Variants in PGM5 observed in about 807,000 individuals in gnomAD.
The protein encoded by PGM5 is phosphoglucomutase-like protein 5.
PGM5 carries 23 observed loss-of-function variants against 59.2 expected under a neutral mutation model. The observed-to-expected ratio is 0.39, with a 90% confidence interval of 0.28 to 0.55. The LOEUF (loss-of-function observed/expected upper bound fraction) is 0.55. Ranked by LOEUF, PGM5 falls within the 20% of genes least tolerant of loss-of-function variation. PGM5 has a pLI of 0.66. For missense variants in PGM5, 574 were observed against 748.3 expected (o/e 0.77, Z 2.72); for synonymous variants, 214 against 286.0 (o/e 0.75, Z 2.54).
chr9:68,397,689 A>G (rs1272849812), intron 6 of PGM5: 2 of 152,240 alleles, frequency 1.3e-5, no homozygotes, highest in East Asian at 1.9e-4. Flanking sequence ...ATACAGAAAC[A>G]CAAATTGTAA....
At chr9:68,511,762 T>A (rs1327077656) in intron 10 of PGM5, among the ~76,000 whole-genome samples, 1 of 151,860 alleles carries the variant, frequency 6.6e-6, no homozygotes, top group Non-Finnish European at 1.5e-5. Flanking sequence ...CCATTATTTT[T>A]ATTAATAATG....
intron 6 of PGM5, chr9:68,406,249 T>C (rs1822806957): frequency 2.0e-5 from 3 of 152,198 alleles, no homozygotes; most frequent in East Asian, 3.9e-4. Flanking sequence ...TGGTTTCTTA[T>C]AACAGAATAC....
intron 6 of PGM5, among the ~76,000 whole-genome samples, chr9:68,394,685 A>G (rs1457070829): frequency 6.6e-6 from 1 of 151,508 alleles, no homozygotes; most frequent in African/African-American, 2.4e-5. Context: ...CAGTGGTACG[A>G]TCATAGTTCA....
intron 6 of PGM5, among the ~76,000 whole-genome samples, chr9:68,419,242 A>C (rs1554682200): frequency 6.6e-6 from 1 of 152,198 alleles, no homozygotes; most frequent in Admixed American, 6.5e-5. Context: ...ATAGAAGATA[A>C]TATGTTTTAA....
At chr9:68,506,997 C>A (rs1246696894) in intron 10 of PGM5, among the ~76,000 whole-genome samples, 4 of 151,828 alleles carry the variant, frequency 2.6e-5, no homozygotes, top group African/African-American at 9.7e-5. Context: ...AAAATGAAAA[C>A]AAATTCAATT....
At chr9:68,438,599 A>G (rs1823477229) in intron 6 of PGM5, among the ~76,000 whole-genome samples, 1 of 152,250 alleles carries the variant, frequency 6.6e-6, no homozygotes. Context: ...TCTAGACAAG[A>G]TGTACGAAAC....
chr9:68,415,544 G>C (rs1446167788), intron 6 of PGM5, among the ~76,000 whole-genome samples: 1 of 142,040 alleles, frequency 7.0e-6, no homozygotes, highest in Non-Finnish European at 1.5e-5. Flanking sequence ...CACAGGTAGG[G>C]AGCTTGCAGT....
chr9:68,498,508 G>A (rs1217535336), intron 9 of PGM5: 3 of 152,166 alleles, frequency 2.0e-5, no homozygotes, highest in Admixed American at 1.3e-4. Flanking sequence ...TGAAAATTGT[G>A]TACTTCTCAA....
chr9:68,414,463 C>T (rs1258706751), intron 6 of PGM5, among the ~76,000 whole-genome samples: 6 of 152,132 alleles, frequency 3.9e-5, no homozygotes, highest in Non-Finnish European at 7.3e-5. Context: ...CTGCTTCCTA[C>T]CTAATGACCT....
intron 9 of PGM5, among the ~76,000 whole-genome samples, chr9:68,485,378 C>T (rs186739194): frequency 5.3e-5 from 8 of 152,222 alleles, no homozygotes; most frequent in East Asian, 3.9e-4. Context: ...ATAATCCCCA[C>T]GTGTCATGGG....
chr9:68,390,237 G>T (rs1554679332), intron 4 of PGM5, among the ~76,000 whole-genome samples: 1 of 152,122 alleles, frequency 6.6e-6, no homozygotes, highest in East Asian at 1.9e-4. Context: ...CTCAGGAAAA[G>T]AACTTTCAGG....
chr9:68,413,028 G>A (rs3004604), intron 6 of PGM5, among the ~76,000 whole-genome samples: 53,491 of 151,772 alleles, frequency 0.35, 9,609 homozygotes, highest in Middle Eastern at 0.43. Flanking sequence ...TGTTGTTACT[G>A]TGTGAGTTCC....
chr9:68,398,764 T>A (rs1168055841), intron 6 of PGM5: 2 of 152,198 alleles, frequency 1.3e-5, no homozygotes, highest in African/African-American at 4.8e-5. Flanking sequence ...CCAGCATAAA[T>A]GGCACAATGG....
At chr9:68,521,121 G>A (rs774158386) in intron 10 of PGM5, among the ~76,000 whole-genome samples, 1 of 152,130 alleles carries the variant, frequency 6.6e-6, no homozygotes, top group Non-Finnish European at 1.5e-5. Flanking sequence ...GCTCAGCTTT[G>A]CCACTTGATT....
At chr9:68,500,289 G>GT (rs1310262527) in intron 10 of PGM5, among the ~76,000 whole-genome samples, 1 of 151,944 alleles carries the variant, frequency 6.6e-6, no homozygotes, top group Non-Finnish European at 1.5e-5. Flanking sequence ...TAGTTTAGGG[G>GT]TTTTTTTGTT....
chr9:68,362,865 C>CTTTTTTTTTTTT (rs1163826772), intron 1 of PGM5, among the ~76,000 whole-genome samples: 100 of 96,726 alleles, frequency 1.0e-3, no homozygotes, highest in Non-Finnish European at 1.3e-3. Context: ...TTTTCTTTTT[C>CTTTTTTTTTTTT]TTTTTTTTTT....
chr9:68,467,005 G>A lies in PGM5; in HGVS notation c.1159+1797G>A, dbSNP rs145459822. ...TCTTTCTGGACCTGGGGATGAGAAG[G>A]TTTTTAGCGTGTACACCTAGGAACA... On this transcript the variant is annotated intron_variant, in intron 7 of 10. Transcript: ENST00000396396. 3.5e-4 allele frequency among the ~76,000 whole-genome samples: 53 copies of A among 152,238 alleles called. No homozygotes were observed. In the East Asian group the frequency reaches 9.3e-3, roughly 27 times the overall value.
At chr9:68,468,320 T>C (rs1468090660) in intron 7 of PGM5, among the ~76,000 whole-genome samples, 2 of 152,166 alleles carry the variant, frequency 1.3e-5, no homozygotes, top group Non-Finnish European at 2.9e-5. Flanking sequence ...ACTTAGAGTC[T>C]TATATATTGT....
At chr9:68,440,651 A>G (rs1478544778) in intron 6 of PGM5, among the ~76,000 whole-genome samples, 1 of 152,142 alleles carries the variant, frequency 6.6e-6, no homozygotes, top group African/African-American at 2.4e-5. Flanking sequence ...CAAAATTTGT[A>G]GGATGCAGGT....
Sources: allele counts gnomAD v4.1 joint callset (sites outside exome capture counted in the v4.1 genomes callset), GRCh38; gene constraint gnomAD v4.1.1; transcripts MANE v1.5; gene names NCBI Gene and HGNC (gene_info 2026-07-23, HGNC 2026-07-21).